Variants in MACROD2 observed in about 807,000 individuals in gnomAD.
The protein encoded by MACROD2 is ADP-ribose glycohydrolase MACROD2.
MACROD2 carries 36 observed loss-of-function variants against 70.4 expected under a neutral mutation model. The observed-to-expected ratio is 0.51, with a 90% CI of 0.39 to 0.68. The LOEUF is 0.68. Ranked by LOEUF, MACROD2 falls within the 30% of genes least tolerant of loss-of-function variation. The pLI, the probability that MACROD2 is intolerant of heterozygous loss-of-function variation, is 0.00. For synonymous variants in MACROD2, 172 were observed against 178.8 expected, an observed-to-expected ratio of 0.96 and a Z score of 0.30; for missense variants, 496 against 538.4, an observed-to-expected ratio of 0.92 and a Z score of 0.78.
intron 6 of MACROD2, among the ~76,000 whole-genome samples, chr20:15,237,507 CTA>C (rs2077024100): frequency 7.1e-6 from 1 of 141,066 alleles, no homozygotes; most frequent in African/African-American, 2.7e-5. Context: ...TTATGGCACT[CTA>C]TTGATTTTTT....
chr20:15,277,895 G>T (rs1176590340), intron 6 of MACROD2, among the ~76,000 whole-genome samples: 2 of 152,152 alleles, frequency 1.3e-5, no homozygotes, highest in African/African-American at 4.8e-5. Context: ...TGGTGTTTCT[G>T]TTCGCTTTTC....
chr20:14,954,731 T>TTTTATATAAC, intron 5 of MACROD2, among the ~76,000 whole-genome samples: 1 of 35,336 alleles, frequency 2.8e-5, no homozygotes, highest in Non-Finnish European at 7.0e-5. Context: ...TGTATAAATA[T>TTTTATATAAC]ATAAATTATA....
At chr20:14,945,255 T>C (rs551172706) in intron 5 of MACROD2, among the ~76,000 whole-genome samples, 121 of 151,992 alleles carry the variant, frequency 8.0e-4, no homozygotes, top group African/African-American at 2.9e-3. Context: ...GTAGCTGGGA[T>C]TTAATAGAGC....
intron 10 of MACROD2, among the ~76,000 whole-genome samples, chr20:15,897,854 G>A (rs1351828084): frequency 1.3e-5 from 2 of 151,914 alleles, no homozygotes; most frequent in Admixed American, 6.6e-5. Context: ...TTCTGCACTT[G>A]GTTATTTCCT....
intron 5 of MACROD2, among the ~76,000 whole-genome samples, chr20:14,836,301 G>C (rs917711611): frequency 6.6e-6 from 1 of 152,084 alleles, no homozygotes; most frequent in Non-Finnish European, 1.5e-5. Context: ...TCTGGGAATA[G>C]TTTGTATTGA....
chr20:15,159,358 T>C (rs918883712), intron 5 of MACROD2, among the ~76,000 whole-genome samples: 6 of 152,108 alleles, frequency 3.9e-5, no homozygotes, highest in African/African-American at 1.4e-4. Context: ...GTCAAACATA[T>C]GACTCTCTGG....
intron 5 of MACROD2, among the ~76,000 whole-genome samples, chr20:14,959,889 T>A (rs921671583): frequency 6.6e-6 from 1 of 152,140 alleles, no homozygotes; most frequent in Non-Finnish European, 1.5e-5. Flanking sequence ...AATACCTGAT[T>A]TACCACAAGA....
intron 6 of MACROD2, among the ~76,000 whole-genome samples, chr20:15,323,510 T>A (rs545426342): frequency 6.6e-6 from 1 of 152,292 alleles, no homozygotes; most frequent in Admixed American, 6.5e-5. Context: ...ACCAGTGGTC[T>A]AAAATGGAAT....
At chr20:15,653,188 T>C (rs2049671858) in intron 8 of MACROD2, among the ~76,000 whole-genome samples, 1 of 152,350 alleles carries the variant, frequency 6.6e-6, no homozygotes. Context: ...TCTGCATAGT[T>C]AGACATGTCC....
chr20:13,998,490 T>C (rs2052691267), intron 1 of MACROD2, among the ~76,000 whole-genome samples: 2 of 152,148 alleles, frequency 1.3e-5, no homozygotes, highest in South Asian at 4.2e-4. Flanking sequence ...TCAGTAATAT[T>C]GTAATAATTT....
intron 5 of MACROD2, among the ~76,000 whole-genome samples, chr20:14,700,842 A>T (rs1239791033): frequency 6.6e-6 from 1 of 152,122 alleles, no homozygotes; most frequent in African/African-American, 2.4e-5. Flanking sequence ...TGTAGGAGTG[A>T]GCTGGCTCAC....
chr20:14,130,035 G>A (rs1440952170), intron 3 of MACROD2, among the ~76,000 whole-genome samples: 2 of 151,960 alleles, frequency 1.3e-5, no homozygotes, highest in South Asian at 2.1e-4. Context: ...CCTGTAATTC[G>A]GTGTTCATAA....
intron 8 of MACROD2, among the ~76,000 whole-genome samples, chr20:15,696,510 T>A (rs1406066792): frequency 6.6e-6 from 1 of 152,168 alleles, no homozygotes; most frequent in Non-Finnish European, 1.5e-5. Flanking sequence ...GTTTTCTTTT[T>A]TGGTTATGCC....
In MACROD2 at chr20:14,818,218, C is replaced by T. The variant is rs960151375; in HGVS notation, c.418+133259C>T. ...ATGACACACCACCATCATTGAGGTC[C>T]GCACAGTCAGGGTAATGGGCAGAGG... is the stretch of plus-strand genomic sequence containing the variant. On this transcript the variant is annotated intron_variant, in intron 5 of 17. Coordinates refer to ENST00000684519, the MANE Select transcript of MACROD2 (RefSeq NM_001351661.2). 7.9e-5 allele frequency among the ~76,000 whole-genome samples: 12 copies of T among 152,028 alleles called. No individual in the cohort carries two copies. The East Asian group carries it at 1.2e-3, about 15-fold the overall frequency.
intron 5 of MACROD2, among the ~76,000 whole-genome samples, chr20:14,975,698 T>G (rs770302607): frequency 6.6e-6 from 1 of 151,996 alleles, no homozygotes; most frequent in Non-Finnish European, 1.5e-5. Context: ...GTTGTCAGGG[T>G]GGGTGCCCTT....
At chr20:15,662,235 A>T (rs2049831988) in intron 8 of MACROD2, among the ~76,000 whole-genome samples, 3 of 152,200 alleles carry the variant, frequency 2.0e-5, no homozygotes, top group Non-Finnish European at 4.4e-5. Flanking sequence ...CAATACTAAA[A>T]TGCCCTTTCC....
chr20:14,693,515 C>T (rs2071086573), intron 5 of MACROD2, among the ~76,000 whole-genome samples: 1 of 152,114 alleles, frequency 6.6e-6, no homozygotes, highest in African/African-American at 2.4e-5. Flanking sequence ...CTATTACTTA[C>T]ATATATGATT....
chr20:15,039,475 A>T (rs2075338843), intron 5 of MACROD2, among the ~76,000 whole-genome samples: 1 of 152,186 alleles, frequency 6.6e-6, no homozygotes, highest in South Asian at 2.1e-4. Flanking sequence ...GGGCAAAGGA[A>T]GGTTGGAGAG....
intron 8 of MACROD2, among the ~76,000 whole-genome samples, chr20:15,604,337 T>C (rs1311637099): frequency 6.6e-6 from 1 of 152,242 alleles, no homozygotes; most frequent in African/African-American, 2.4e-5. Flanking sequence ...TGAAACAAAA[T>C]TACCAATTCA....
Sources: allele counts gnomAD v4.1 joint callset (sites outside exome capture counted in the v4.1 genomes callset), GRCh38; gene constraint gnomAD v4.1.1; transcripts MANE v1.5; gene names NCBI Gene and HGNC (gene_info 2026-07-23, HGNC 2026-07-21).